Variants in KRT33B observed in about 807,000 individuals in gnomAD.
The protein encoded by KRT33B is keratin, type I cuticular Ha3-II.
In KRT33B, 37 loss-of-function variants were observed where a neutral mutation model predicts 42.7. That is an observed-to-expected ratio of 0.87 (90% CI 0.67 to 1.14). KRT33B has a LOEUF of 1.14. Among genes scored for constraint, KRT33B ranks in the 50% most tolerant of loss-of-function variants. The pLI is 0.00. For missense variants in KRT33B, 523 were observed against 515.1 expected (o/e 1.02, Z -0.15); for synonymous variants, 237 against 221.2 (o/e 1.07, Z -0.63).
Position 41,369,770 on chromosome 17 carries a change from G to A in KRT33B, c.-20C>T. 6.2e-7 allele frequency: 1 copy of A among 1,605,678 alleles called. No homozygotes were observed. Among genetic ancestry groups the A allele is most frequent in the Non-Finnish European group, 8.5e-7 (1 of 1,174,904 alleles). On this transcript the variant is annotated 5_prime_UTR_variant, in exon 1 of 7. Coordinates refer to ENST00000251646, the MANE Select transcript of KRT33B (RefSeq NM_002279.5). ...GGGCATGGTGCAGGGAGGCAGTGGAGCTCTGGAAGTCAGTTTCAAAACCTG... is the reference window on the plus strand; with the variant it reads ...GGGCATGGTGCAGGGAGGCAGTGGAACTCTGGAAGTCAGTTTCAAAACCTG...
chr17:41,366,903 C>T (rs2017708922), intron 2 of KRT33B, among the ~76,000 whole-genome samples: 1 of 151,326 alleles, frequency 6.6e-6, no homozygotes, highest in Non-Finnish European at 1.5e-5. Flanking sequence ...CTAAGCCCTG[C>T]TGCTTTTGCC....
In KRT33B at chr17:41,366,633, A is replaced by G. The variant is rs201624842; in HGVS notation, c.432-7T>C. The G allele has an allele frequency of 1.4e-5, 23 of 1,596,970 alleles. No individual in the cohort carries two copies. The Admixed American group carries it at 1.9e-4, about 14-fold the overall frequency. On this transcript the variant is annotated splice_region_variant and splice_polypyrimidine_tract_variant and intron_variant, in intron 2 of 6. Transcript: ENST00000251646. Reference sequence around the variant, plus strand: ...GGACTGCTCCGTCTGGTACCTGCACACACAGCCAGAGGTCAAAAGAGGTCC... The same window carrying G: ...GGACTGCTCCGTCTGGTACCTGCACGCACAGCCAGAGGTCAAAAGAGGTCC...
At position 41,363,877 on chromosome 17, in the gene KRT33B, G is replaced by C; in HGVS notation, c.1174C>G (p.Pro392Ala). The C allele has an allele frequency of 6.2e-7, 1 of 1,611,640 alleles. No individual in the cohort carries two copies. Among genetic ancestry groups the C allele is most frequent in the Non-Finnish European group, 8.5e-7 (1 of 1,179,422 alleles). ...IGSCVTNPCGPRSRCGPCNTF... is the reference protein window; with the variant it reads ...IGSCVTNPCGARSRCGPCNTF... ...TTGCAAGGCCCACAGCGGGAACGAG[G>C]ACCACAAGGATTGGTGACACAGGAT... Residue 392 changes from proline to alanine, a missense_variant, in exon 7 of 7, where the codon CCT becomes GCT. By Grantham distance (27) the Pro-to-Ala change is conservative. Coordinates refer to ENST00000251646, the MANE Select transcript of KRT33B (RefSeq NM_002279.5).
In KRT33B at chr17:41,365,186, G is replaced by C. The variant is rs1018105241; in HGVS notation, c.865C>G (p.Gln289Glu). 3.0e-5 allele frequency: 49 copies of C among 1,611,490 alleles called. No individual in the cohort carries two copies. The highest frequency in any genetic ancestry group is 4.1e-5 in the Non-Finnish European group (48 of 1,180,006). ...VNALEIELQA[Q>E]HNLRYSLENT... ...TGAACAATACACACCAGGTTGTGCT[G>C]GGCCTGCAGCTCGATCTCCAGGGCA... The change falls in exon 5 of 7, where the codon CAG becomes GAG. Residue 289 changes from glutamine (Q) to glutamate (E), a missense_variant. Transcript: ENST00000251646.
In KRT33B at chr17:41,363,554, G is replaced by A. The variant is rs2017649198; in HGVS notation, c.*282C>T. 6.1e-6 allele frequency: 2 copies of A among 326,158 alleles called. No homozygotes were observed. Among genetic ancestry groups the A allele is most frequent in the Non-Finnish European group, 1.1e-5 (2 of 180,582 alleles). 20.2% of individuals were successfully genotyped at this position (326,158 alleles called of 1,614,324 possible). A position where few individuals can be genotyped will look rare whatever the true frequency, so the allele number is the denominator to read the frequency against. ...TTGGGGAACTGCAATAAAGGTAGAA[G>A]CAGCAGAGAGAACAAAACACCTCGT... On this transcript the variant is annotated 3_prime_UTR_variant, in exon 7 of 7. Coordinates refer to ENST00000251646, the MANE Select transcript of KRT33B (RefSeq NM_002279.5).
At chr17:41,366,932 C>T (rs1053133248) in intron 2 of KRT33B, among the ~76,000 whole-genome samples, 8 of 151,260 alleles carry the variant, frequency 5.3e-5, no homozygotes, top group Admixed American at 2.0e-4. Flanking sequence ...TGAATCAGTG[C>T]CCTTCATAAG....
chr17:41,363,641 C>A lies in KRT33B; in HGVS notation c.*195G>T. 1 of 478,068 alleles carries A rather than the reference C, an allele frequency of 2.1e-6. No individual in the cohort carries two copies. Among genetic ancestry groups the A allele is most frequent in the Non-Finnish European group, 3.7e-6 (1 of 268,520 alleles). 29.6% of individuals were successfully genotyped at this position (478,068 alleles called of 1,614,324 possible). A position where few individuals can be genotyped will look rare whatever the true frequency, so the allele number is the denominator to read the frequency against. ...ACTCAGACTGACTACAGGAGAGGGACCTGGGGTGAGGAGGATCAAGTAGCC... is the reference window on the plus strand; with the variant it reads ...ACTCAGACTGACTACAGGAGAGGGAACTGGGGTGAGGAGGATCAAGTAGCC... On this transcript the variant is annotated 3_prime_UTR_variant, in exon 7 of 7. Coordinates refer to ENST00000251646, the MANE Select transcript of KRT33B (RefSeq NM_002279.5).
At position 41,369,757 on chromosome 17, in the gene KRT33B, G is replaced by A. The variant is rs1451215210; in HGVS notation, c.-7C>T. 27 of 1,610,958 alleles carry A rather than the reference G, an allele frequency of 1.7e-5. No homozygotes were observed. Among genetic ancestry groups the A allele is most frequent in the Non-Finnish European group, 2.3e-5 (27 of 1,178,060 alleles). ...GGCAGAAGTTGTAGGGCATGGTGCA[G>A]GGAGGCAGTGGAGCTCTGGAAGTCA... On this transcript the variant is annotated 5_prime_UTR_variant, in exon 1 of 7. Transcript: ENST00000251646.
In KRT33B at chr17:41,365,395, C is replaced by T. The variant is rs745382068; in HGVS notation, c.747G>A (p.Thr249=). 7 of 1,610,452 alleles carry T rather than the reference C, an allele frequency of 4.3e-6. No homozygotes were observed. Among genetic ancestry groups the T allele is most frequent in the South Asian group, 1.1e-5 (1 of 90,952 alleles). ...GGCCACGTGCTTAGATGCCCACCTG[C>T]GTGGCGAACCATTGCTCCACTTCCC... ...NRREVEQWFA[T]QTEELNKQVV... Residue 249 remains threonine (T), a synonymous_variant, in exon 4 of 7, where the codon ACG becomes ACA. Transcript: ENST00000251646.
intron 2 of KRT33B, 119 bp downstream of exon 2, chr17:41,367,789 C>T (rs1228290155): frequency 2.4e-6 from 2 of 826,884 alleles, no homozygotes; most frequent in Non-Finnish European, 4.1e-6. Flanking sequence ...TAATCCTAAC[C>T]CAATGCAAGA....
Sources: allele counts gnomAD v4.1 joint callset (sites outside exome capture counted in the v4.1 genomes callset), GRCh38; gene constraint gnomAD v4.1.1; transcripts MANE v1.5; gene names NCBI Gene and HGNC (gene_info 2026-07-23, HGNC 2026-07-21).